The following KPNA5 variants were observed in gnomAD, a reference collection of about 807,000 sequenced individuals.
KPNA5 encodes the protein importin subunit alpha-6.
A neutral mutation model predicts 71.3 loss-of-function variants in KPNA5; 46 were observed. That is an observed-to-expected ratio of 0.65 (90% CI 0.51 to 0.83). The LOEUF (loss-of-function observed/expected upper bound fraction) is 0.83, where lower values mean the gene tolerates loss of function less well. Among genes scored for constraint, KPNA5 ranks in the 40% least tolerant of loss-of-function variants. The probability of loss-of-function intolerance (pLI) is 0.00; values close to 1 mark genes in which losing one functional copy is unlikely to be tolerated. For missense variants in KPNA5, 547 were observed against 628.3 expected (o/e 0.87, Z 1.38); for synonymous variants, 207 against 201.4 (o/e 1.03, Z -0.24).
In KPNA5 at chr6:116,741,532, T is replaced by G. The variant is rs766532476; in HGVS notation, c.*9209T>G. ...AATGACAGACTTTTTCATTGAATGATGAGGACACAGCAGCCATATTATGCC... is the reference window on the plus strand; with the variant it reads ...AATGACAGACTTTTTCATTGAATGAGGAGGACACAGCAGCCATATTATGCC... On this transcript the variant is annotated 3_prime_UTR_variant, in exon 14 of 14. Transcript: ENST00000368564. The G allele has an allele frequency of 1.4e-4, 21 of 152,448 alleles. No homozygotes were observed. Among genetic ancestry groups the G allele is most frequent in the Non-Finnish European group, 2.4e-4 (16 of 68,020 alleles). The allele number at this position is 152,448 out of a possible 1,614,324, so 9.4% of individuals were successfully genotyped here.
intron 8 of KPNA5, among the ~76,000 whole-genome samples, chr6:116,719,836 G>A (rs1010523820): frequency 3.3e-5 from 5 of 151,184 alleles, no homozygotes; most frequent in African/African-American, 9.8e-5. Context: ...GGGCAACAGA[G>A]CAAGACCCTG....
chr6:116,687,478 C>A (rs1256908106), intron 1 of KPNA5, among the ~76,000 whole-genome samples: 2 of 152,056 alleles, frequency 1.3e-5, no homozygotes, highest in Non-Finnish European at 2.9e-5. Context: ...TAGTTACATG[C>A]ATGTATATTT....
At chr6:116,709,435 C>G (rs1778568654) in intron 7 of KPNA5, among the ~76,000 whole-genome samples, 1 of 152,052 alleles carries the variant, frequency 6.6e-6, no homozygotes, top group African/African-American at 2.4e-5. Flanking sequence ...AATTTGAGGT[C>G]AAGATCATTT....
intron 1 of KPNA5, among the ~76,000 whole-genome samples, chr6:116,686,942 AC>A (rs1244222070): frequency 6.6e-6 from 1 of 152,130 alleles, no homozygotes; most frequent in African/African-American, 2.4e-5. Context: ...GCCCTGTAGT[AC>A]AGATTGAAGT....
chr6:116,689,213 T>C lies in KPNA5; in HGVS notation c.5-107T>C, dbSNP rs972708778. ...TACATAATTTTCAGAATGGGTTTTGTTGACCTGTTAATCAGTGAGCCTGAA... is the reference window on the plus strand; with the variant it reads ...TACATAATTTTCAGAATGGGTTTTGCTGACCTGTTAATCAGTGAGCCTGAA... On this transcript the variant is annotated intron_variant, in intron 1 of 13. Coordinates refer to ENST00000368564, the MANE Select transcript of KPNA5 (RefSeq NM_001366306.2). 77 of 1,185,316 alleles carry C rather than the reference T, an allele frequency of 6.5e-5. 1 individual carries two copies. In the Middle Eastern group the frequency reaches 7.7e-4, roughly 12 times the overall value. 73.4% of individuals were successfully genotyped at this position (1,185,316 alleles called of 1,614,324 possible).
intron 7 of KPNA5, among the ~76,000 whole-genome samples, chr6:116,708,348 C>A (rs1399193171): frequency 6.6e-6 from 1 of 152,046 alleles, no homozygotes; most frequent in Non-Finnish European, 1.5e-5. Flanking sequence ...GCAGCTGTAC[C>A]ATTTTACATT....
intron 7 of KPNA5, among the ~76,000 whole-genome samples, chr6:116,710,471 G>A (rs888010100): frequency 2.6e-5 from 4 of 152,118 alleles, no homozygotes; most frequent in African/African-American, 9.7e-5. Context: ...GGCATTCAAT[G>A]TGAAATAAGC....
At chr6:116,696,383 C>A (rs1778030143) in intron 4 of KPNA5, among the ~76,000 whole-genome samples, 1 of 152,100 alleles carries the variant, frequency 6.6e-6, no homozygotes. Flanking sequence ...GAGGCCAGAA[C>A]TGGAAGCAGA....
intron 1 of KPNA5, among the ~76,000 whole-genome samples, chr6:116,686,331 C>T (rs1420697497): frequency 2.6e-5 from 4 of 152,068 alleles, no homozygotes; most frequent in Non-Finnish European, 5.9e-5. Flanking sequence ...TCATATGCTT[C>T]TTGGCTGCAT....
intron 6 of KPNA5, among the ~76,000 whole-genome samples, chr6:116,702,508 T>C (rs1236488100): frequency 5.9e-5 from 9 of 151,904 alleles, no homozygotes; most frequent in Non-Finnish European, 1.3e-4. Context: ...CATGGCAAAA[T>C]CCCAGCTCTG....
intron 1 of KPNA5, among the ~76,000 whole-genome samples, chr6:116,686,508 A>G (rs945897130): frequency 2.6e-5 from 4 of 152,018 alleles, no homozygotes; most frequent in Non-Finnish European, 5.9e-5. Context: ...GTTGTCTTTT[A>G]CTCTGTTGAC....
chr6:116,722,510 CTTAGT>C (rs796905063), intron 9 of KPNA5, among the ~76,000 whole-genome samples: 4 of 152,220 alleles, frequency 2.6e-5, no homozygotes, highest in African/African-American at 9.6e-5. Context: ...AATGAATTTC[CTTAGT>C]TTAATGTGAT....
At position 116,734,920 on chromosome 6, in the gene KPNA5, T is replaced by C. The variant is rs369728223; in HGVS notation, c.*2597T>C. On this transcript the variant is annotated 3_prime_UTR_variant, in exon 14 of 14. Transcript: ENST00000368564. Reference sequence around the variant, plus strand: ...AATGCATGTAGCATTAATGCAAATATCAAGAAAATACTTGAAAGAGTCCTT... The same window carrying C: ...AATGCATGTAGCATTAATGCAAATACCAAGAAAATACTTGAAAGAGTCCTT... 6.6e-6 allele frequency: 1 copy of C among 151,824 alleles called. No individual in the cohort carries two copies. Among genetic ancestry groups the C allele is most frequent in the East Asian group, 1.9e-4 (1 of 5,184 alleles). The allele number at this position is 151,824 out of a possible 1,614,324, so 9.4% of individuals were successfully genotyped here.
chr6:116,712,799 T>A (rs6909691), intron 7 of KPNA5, among the ~76,000 whole-genome samples: 35,722 of 152,034 alleles, frequency 0.23, 4,318 homozygotes, highest in East Asian at 0.3. Context: ...ACTTTTTTTT[T>A]AAAATAATTT....
At chr6:116,706,784 T>TA (rs1477024888) in intron 7 of KPNA5, among the ~76,000 whole-genome samples, 1 of 152,072 alleles carries the variant, frequency 6.6e-6, no homozygotes, top group Non-Finnish European at 1.5e-5. Flanking sequence ...TCAAAGTATT[T>TA]AAAAAAATAA....
At chr6:116,722,899 C>A (rs561714514) in intron 9 of KPNA5, among the ~76,000 whole-genome samples, 6 of 152,304 alleles carry the variant, frequency 3.9e-5, no homozygotes, top group Admixed American at 1.3e-4. Context: ...TTCCTTTCTT[C>A]TTTTGTCGAG....
In KPNA5 at chr6:116,741,487, C is replaced by T. The variant is rs1779870654; in HGVS notation, c.*9164C>T. 1 of 151,816 alleles carries T rather than the reference C, an allele frequency of 6.6e-6. No homozygotes were observed. The highest frequency in any genetic ancestry group is 2.4e-5 in the African/African-American group (1 of 41,300). 9.4% of individuals were successfully genotyped at this position (151,816 alleles called of 1,614,324 possible). ...TTGAAACTTATTTGAAAATATTTTC[C>T]CTTTGGTCTTTGTGGTAGAAATGAC... On this transcript the variant is annotated 3_prime_UTR_variant, in exon 14 of 14. Transcript: ENST00000368564.
At chr6:116,694,640 G>A (rs1195531138) in intron 4 of KPNA5, among the ~76,000 whole-genome samples, 1 of 152,132 alleles carries the variant, frequency 6.6e-6, no homozygotes, top group Non-Finnish European at 1.5e-5. Context: ...ATTTTGGGCT[G>A]AGACGATGGG....
intron 11 of KPNA5, 78 bp from the exon 12 acceptor site, chr6:116,726,417 T>C (rs1583445782): frequency 6.0e-6 from 7 of 1,171,930 alleles, no homozygotes; most frequent in African/African-American, 3.2e-5. Context: ...TTTGAAGCCA[T>C]TGAGTTTCAA....
Sources: gnomAD v4.1 joint callset for allele counts (sites outside exome capture counted in the v4.1 genomes callset) on GRCh38, gnomAD v4.1.1 for gene constraint, MANE v1.5 for transcripts, NCBI Gene and HGNC (gene_info 2026-07-23, HGNC 2026-07-21) for gene names.